FAF1: variants seen among roughly 807,000 people sequenced by gnomAD.
FAF1 encodes FAS-associated factor 1.
In FAF1, 25 loss-of-function variants were observed where a neutral mutation model predicts 92.5. The ratio of observed to expected loss-of-function variants is 0.27; its 90% CI spans 0.20 to 0.38. The LOEUF is 0.38. Ranked by LOEUF, FAF1 falls within the 10% of genes least tolerant of loss-of-function variation. FAF1 has a pLI of 1.00. For synonymous variants in FAF1, 234 were observed against 273.2 expected, an observed-to-expected ratio of 0.86 and a Z score of 1.42; for missense variants, 636 against 793.3, an observed-to-expected ratio of 0.80 and a Z score of 2.38.
At chr1:50,946,271 C>G (rs1033389032) in intron 1 of FAF1, among the ~76,000 whole-genome samples, 1 of 152,218 alleles carries the variant, frequency 6.6e-6, no homozygotes, top group Non-Finnish European at 1.5e-5. Context: ...AGTTGTTACA[C>G]TGGGGAGGAT....
At chr1:50,676,429 G>C (rs540496133) in intron 7 of FAF1, among the ~76,000 whole-genome samples, 55 of 149,502 alleles carry the variant, frequency 3.7e-4, no homozygotes, top group African/African-American at 1.3e-3. Context: ...AAGAAAGAAA[G>C]AAAATGAAAC....
chr1:50,686,957 T>C (rs1350219083), intron 7 of FAF1, among the ~76,000 whole-genome samples: 1 of 152,016 alleles, frequency 6.6e-6, no homozygotes, highest in African/African-American at 2.4e-5. Context: ...GCTTCCTGAG[T>C]AGCCAGGATT....
intron 6 of FAF1, among the ~76,000 whole-genome samples, chr1:50,728,467 CTTGGATTTTTATTAGAAGTGTA>C (rs1658755553): frequency 6.6e-6 from 1 of 152,032 alleles, no homozygotes; most frequent in African/African-American, 2.4e-5. Flanking sequence ...CAGTAAGGAA[CTTGGATTTTTATTAGAAGTGTA>C]ATAGAAAGCT....
intron 2 of FAF1, among the ~76,000 whole-genome samples, chr1:50,810,381 C>T (rs1426775558): frequency 1.3e-5 from 2 of 152,178 alleles, no homozygotes; most frequent in East Asian, 1.9e-4. Context: ...ATTCACCATC[C>T]TTCATGTTAA....
intron 1 of FAF1, among the ~76,000 whole-genome samples, chr1:50,895,475 G>C (rs1474008612): frequency 6.6e-6 from 1 of 151,906 alleles, no homozygotes. Context: ...AATCCCACTC[G>C]AACTATTACA....
intron 1 of FAF1, among the ~76,000 whole-genome samples, chr1:50,875,694 A>G (rs1011893890): frequency 6.6e-6 from 1 of 151,762 alleles, no homozygotes; most frequent in African/African-American, 2.4e-5. Flanking sequence ...CTTGTGATCC[A>G]CCCCCCTCGG....
intron 2 of FAF1, among the ~76,000 whole-genome samples, chr1:50,850,004 A>G (rs941980331): frequency 1.3e-5 from 2 of 151,842 alleles, no homozygotes; most frequent in Admixed American, 6.6e-5. Context: ...GAAAGAGGCA[A>G]CAAAATAGTG....
chr1:50,745,653 C>T (rs1659558917), intron 4 of FAF1, among the ~76,000 whole-genome samples: 1 of 152,184 alleles, frequency 6.6e-6, no homozygotes, highest in South Asian at 2.1e-4. Context: ...TGAGTAAAAG[C>T]TCCCTGGGCC....
intron 8 of FAF1, among the ~76,000 whole-genome samples, chr1:50,614,337 T>C (rs1320791691): frequency 6.6e-6 from 1 of 152,128 alleles, no homozygotes; most frequent in Non-Finnish European, 1.5e-5. Flanking sequence ...TGTGTACTAC[T>C]AAGTCCGATT....
chr1:50,897,526 C>T (rs1046765697), intron 1 of FAF1, among the ~76,000 whole-genome samples: 1 of 152,182 alleles, frequency 6.6e-6, no homozygotes, highest in East Asian at 1.9e-4. Context: ...TAGGTCACTT[C>T]CAATGTGACT....
At chr1:50,750,198 G>C (rs944659322) in intron 4 of FAF1, among the ~76,000 whole-genome samples, 2 of 152,092 alleles carry the variant, frequency 1.3e-5, no homozygotes, top group Admixed American at 6.6e-5. Context: ...TCCCACCCCA[G>C]GCCACGTTCC....
intron 13 of FAF1, among the ~76,000 whole-genome samples, chr1:50,566,508 T>C (rs1291439978): frequency 6.6e-6 from 1 of 152,088 alleles, no homozygotes; most frequent in African/African-American, 2.4e-5. Flanking sequence ...GATACTATGA[T>C]TAACAAACTA....
chr1:50,950,762 T>TCTTC (rs956766086), intron 1 of FAF1, among the ~76,000 whole-genome samples: 2 of 152,216 alleles, frequency 1.3e-5, no homozygotes, highest in East Asian at 1.9e-4. Context: ...GCCACCTTTC[T>TCTTC]CTTCCTTCCT....
At chr1:50,657,212 A>G (rs1226221783) in intron 7 of FAF1, among the ~76,000 whole-genome samples, 2 of 151,782 alleles carry the variant, frequency 1.3e-5, no homozygotes, top group Non-Finnish European at 2.9e-5. Flanking sequence ...ACCCTGTCTC[A>G]AAAAAAAGAA....
chr1:50,591,674 GAAAAAAAA>G (rs35426054), intron 9 of FAF1, among the ~76,000 whole-genome samples: 1 of 93,674 alleles, frequency 1.1e-5, no homozygotes, highest in Non-Finnish European at 2.2e-5. Flanking sequence ...CTCCATCTCA[GAAAAAAAA>G]AAAAAAAAAA....
intron 15 of FAF1, 45 bp from the exon 16 acceptor site, chr1:50,491,846 T>C (rs914377064): frequency 6.8e-7 from 1 of 1,476,896 alleles, no homozygotes; most frequent in South Asian, 1.2e-5. Flanking sequence ...TAACTTTTTT[T>C]TGAAAAAAAA....
chr1:50,684,814 T>C (rs1656582064), intron 7 of FAF1, among the ~76,000 whole-genome samples: 1 of 152,212 alleles, frequency 6.6e-6, no homozygotes, highest in South Asian at 2.1e-4. Flanking sequence ...TTGAATTAAT[T>C]TCAACAAATA....
At position 50,531,348 on chromosome 1, in the gene FAF1, G is replaced by A. The variant is rs137873747; in HGVS notation, c.1494+4021C>T. On this transcript the variant is annotated intron_variant, in intron 15 of 18. Transcript: ENST00000396153. ...ATTTGTGTTGAATGAATAAACAAAT[G>A]AAACAATAAATAGATCACAAACTAA... 5.4e-3 allele frequency among the ~76,000 whole-genome samples: 822 copies of A among 152,258 alleles called. 5 individuals are homozygous for A. The highest frequency in any genetic ancestry group is 0.018 in the African/African-American group (757 of 41,556).
chr1:50,568,088 T>A (rs998017202), intron 12 of FAF1, among the ~76,000 whole-genome samples: 5 of 152,130 alleles, frequency 3.3e-5, no homozygotes, highest in Non-Finnish European at 7.4e-5. Flanking sequence ...TTGCAACATG[T>A]TAGCTTTACC....
Sources: gnomAD v4.1 joint callset for allele counts (sites outside exome capture counted in the v4.1 genomes callset) on GRCh38, gnomAD v4.1.1 for gene constraint, MANE v1.5 for transcripts, NCBI Gene and HGNC (gene_info 2026-07-23, HGNC 2026-07-21) for gene names.